GPR83: variants seen among roughly 807,000 people sequenced by gnomAD.
GPR83 encodes the protein G-protein coupled receptor 72.
GPR83 carries 23 observed loss-of-function variants against 28.0 expected under a neutral mutation model. The observed-to-expected ratio is 0.82, with a 90% CI of 0.59 to 1.16. The LOEUF (loss-of-function observed/expected upper bound fraction) is 1.16, where lower values mean the gene tolerates loss of function less well. Ranked by LOEUF, GPR83 falls within the 50% of genes most tolerant of loss-of-function variation. GPR83 has a pLI of 0.00. For synonymous variants in GPR83, 234 were observed against 215.4 expected (o/e 1.09, Z -0.76); for missense variants, 610 against 536.6 (o/e 1.14, Z -1.35).
chr11:94,393,216 C>A (rs186312945), intron 3 of GPR83, among the ~76,000 whole-genome samples: 1 of 152,244 alleles, frequency 6.6e-6, no homozygotes, highest in East Asian at 1.9e-4. Context: ...ACCCTGGTGA[C>A]AGATGCTGAT....
chr11:94,393,365 A>G, intron 3 of GPR83, 120 bp downstream of exon 3: 1 of 834,966 alleles, frequency 1.2e-6, no homozygotes, highest in Non-Finnish European at 2.0e-6. Context: ...AAGACTCAGT[A>G]AGACAGGTAC....
intron 3 of GPR83, among the ~76,000 whole-genome samples, chr11:94,389,477 A>G (rs1944793041): frequency 6.6e-6 from 1 of 152,228 alleles, no homozygotes; most frequent in Admixed American, 6.5e-5. Flanking sequence ...CAAATTTACA[A>G]GAAAAATCAA....
At chr11:94,386,918 T>C (rs950137813) in intron 3 of GPR83, among the ~76,000 whole-genome samples, 5 of 152,134 alleles carry the variant, frequency 3.3e-5, no homozygotes, top group African/African-American at 1.2e-4. Flanking sequence ...ATTGACCACA[T>C]AGTTGGAAGT....
chr11:94,386,754 A>G (rs1346450928), intron 3 of GPR83, among the ~76,000 whole-genome samples: 1 of 152,216 alleles, frequency 6.6e-6, no homozygotes, highest in Non-Finnish European at 1.5e-5. Context: ...CATTGTCAAC[A>G]TTACACAGAT....
Position 94,396,509 on chromosome 11 carries a change from T to C in GPR83, c.403A>G (p.Ser135Gly). 1 of 1,613,782 alleles carries C rather than the reference T, an allele frequency of 6.2e-7. No individual in the cohort carries two copies. Among genetic ancestry groups the C allele is most frequent in the Non-Finnish European group, 8.5e-7 (1 of 1,179,678 alleles). The change falls in exon 2 of 4, where the codon AGC becomes GGC. Residue 135 changes from serine (S) to glycine (G), a missense_variant. Coordinates refer to ENST00000243673, the MANE Select transcript of GPR83 (RefSeq NM_016540.4). The stretch of plus-strand genomic sequence containing the variant: ...ATGCCCTTCCCAAATATCCATGTGC[T>C]GTTCACAAAGCGAACCTGGAGATGA... ...TPFTLVRFVN[S>G]TWIFGKGMCH...
rs745869594 is a variant in GPR83, at chr11:94,380,503, G to A, written c.918C>T (p.Phe306=). ...GGAGGAGGACGTAGCAGTTGAGGGG[G>A]AACCAGCAGAGGGCAAAGAGGACTA... ...LVVVLFALCW[F]PLNCYVLLLS... is the part of the protein sequence containing the mutation. Residue 306 remains phenylalanine (F), a synonymous_variant, in exon 4 of 4, where the codon TTC becomes TTT. Coordinates refer to ENST00000243673, the MANE Select transcript of GPR83 (RefSeq NM_016540.4). 1.2e-6 allele frequency: 2 copies of A among 1,614,078 alleles called. No homozygotes were observed. The highest frequency in any genetic ancestry group is 1.7e-6 in the Non-Finnish European group (2 of 1,180,032).
rs1944909258 is a variant in GPR83, at chr11:94,401,230, C to T, written c.18G>A (p.Leu6=). 1 of 1,609,260 alleles carries T rather than the reference C, an allele frequency of 6.2e-7. No individual in the cohort carries two copies. The highest frequency in any genetic ancestry group is 8.5e-7 in the Non-Finnish European group (1 of 1,178,154). MVPHL[L]LLCLLPLVRA... The stretch of plus-strand genomic sequence containing the variant: ...GCACCAAGGGGAGGAGACAGAGCAG[C>T]AAGAGGTGAGGGACCATTTTGCAGG... The change falls in exon 1 of 4, where the codon TTG becomes TTA. Residue 6 remains leucine (L), a synonymous_variant. Coordinates refer to ENST00000243673, the MANE Select transcript of GPR83 (RefSeq NM_016540.4).
intron 1 of GPR83, among the ~76,000 whole-genome samples, chr11:94,398,257 A>G (rs1198586295): frequency 1.3e-5 from 2 of 151,958 alleles, no homozygotes; most frequent in Non-Finnish European, 2.9e-5. Flanking sequence ...TCCTGTTTGG[A>G]ATCATCCTGG....
At chr11:94,395,906 C>A (rs952667383) in intron 2 of GPR83, among the ~76,000 whole-genome samples, 5 of 152,224 alleles carry the variant, frequency 3.3e-5, no homozygotes, top group African/African-American at 1.2e-4. Flanking sequence ...CAAACAAGCT[C>A]ACTAATTTCT....
rs538790035 is a variant in GPR83, at chr11:94,385,992, T to A, written c.648-5219A>T. On this transcript the variant is annotated intron_variant, in intron 3 of 3. Transcript: ENST00000243673. ...AAAGGGAAGCCCATCAGACTAACAGTGGATCTCTTGGCAGAAACCCTACAA... is the reference window on the plus strand; with the variant it reads ...AAAGGGAAGCCCATCAGACTAACAGAGGATCTCTTGGCAGAAACCCTACAA... Among the ~76,000 whole-genome samples, 110 of 152,282 alleles carry A rather than the reference T, an allele frequency of 7.2e-4. 1 individual carries two copies. The highest frequency in any genetic ancestry group is 2.6e-3 in the African/African-American group (107 of 41,566).
intron 3 of GPR83, among the ~76,000 whole-genome samples, chr11:94,385,228 T>A (rs1944740039): frequency 2.0e-5 from 3 of 151,932 alleles, no homozygotes; most frequent in African/African-American, 7.3e-5. Context: ...CAAAGATAGA[T>A]AAAACCACAA....
chr11:94,399,543 G>C (rs1395529976), intron 1 of GPR83, among the ~76,000 whole-genome samples: 5 of 152,316 alleles, frequency 3.3e-5, no homozygotes, highest in Admixed American at 2.6e-4. Flanking sequence ...CAAAATGTGA[G>C]TAATATTCTA....
At chr11:94,391,006 G>A (rs192815076) in intron 3 of GPR83, among the ~76,000 whole-genome samples, 6 of 152,240 alleles carry the variant, frequency 3.9e-5, no homozygotes, top group South Asian at 2.1e-4. Flanking sequence ...AAAAGAGCCC[G>A]CATTGCCAAG....
chr11:94,393,737 G>A lies in GPR83; in HGVS notation c.514-119C>T, dbSNP rs565900017. 5 of 842,164 alleles carry A rather than the reference G, an allele frequency of 5.9e-6. No homozygotes were observed. The African/African-American group carries it at 6.7e-5, about 11-fold the overall frequency. 52.2% of individuals were successfully genotyped at this position (842,164 alleles called of 1,614,324 possible). ...GCACTTTGGGAGTCTGAGGCAGAAG[G>A]ATCACTTGAGCCCAGGAGTTCTAGA... On this transcript the variant is annotated intron_variant, in intron 2 of 3. Transcript: ENST00000243673.
intron 3 of GPR83, among the ~76,000 whole-genome samples, chr11:94,393,097 G>A (rs1355472477): frequency 6.6e-6 from 1 of 152,206 alleles, no homozygotes; most frequent in Non-Finnish European, 1.5e-5. Flanking sequence ...GCCTGCCTCA[G>A]GCTCAGGCAT....
intron 3 of GPR83, among the ~76,000 whole-genome samples, chr11:94,387,529 A>C (rs1944772532): frequency 6.6e-6 from 1 of 152,250 alleles, no homozygotes; most frequent in African/African-American, 2.4e-5. Context: ...ACAAACTACC[A>C]TCAGAGAATA....
chr11:94,400,870 G>GTT lies in GPR83; in HGVS notation c.377_378insAA (p.Phe127ThrfsTer8). 6.2e-7 allele frequency: 1 copy of GTT among 1,613,872 alleles called. No homozygotes were observed. On this transcript the variant is annotated frameshift_variant, in exon 1 of 4. Transcript: ENST00000243673. LOFTEE classifies it high-confidence loss of function. The stretch of plus-strand genomic sequence containing the variant: ...GCAGCGGGCCCCTTACCAAAGTGAA[G>GTT]GGGGTGTTGAGCAGCGTGATCATTA...
In GPR83 at chr11:94,393,579, T is replaced by C. The variant is rs1217420272; in HGVS notation, c.553A>G (p.Lys185Glu). The change falls in exon 3 of 4, where the codon AAG (lysine) becomes GAG (glutamate). Residue 185 changes from lysine to glutamate, a missense_variant. Lys to Glu is a moderately conservative substitution (Grantham distance 56). Coordinates refer to ENST00000243673, the MANE Select transcript of GPR83 (RefSeq NM_016540.4). ...ATGACAGCGATGTAGATGACACCCT[T>C]TGTGATTGAGATCCGGGGTTTCAAG... The part of the protein sequence containing the change: ...HPLKPRISIT[K>E]GVIYIAVIWT... 4 of 1,613,848 alleles carry C rather than the reference T, an allele frequency of 2.5e-6. No individual in the cohort carries two copies. The Admixed American group carries it at 6.7e-5, about 27-fold the overall frequency.
At chr11:94,389,234 T>C (rs1296073748) in intron 3 of GPR83, among the ~76,000 whole-genome samples, 1 of 152,146 alleles carries the variant, frequency 6.6e-6, no homozygotes, top group Non-Finnish European at 1.5e-5. Flanking sequence ...GAAGAAAACC[T>C]AGGCAATACC....
Sources: allele counts gnomAD v4.1 joint callset (sites outside exome capture counted in the v4.1 genomes callset), GRCh38; gene constraint gnomAD v4.1.1; transcripts MANE v1.5; gene names NCBI Gene and HGNC (gene_info 2026-07-23, HGNC 2026-07-21).